Variants in TSPAN9 observed in about 807,000 individuals in gnomAD.
TSPAN9 encodes tetraspanin 9, also known as tetraspanin-9.
A neutral mutation model predicts 31.0 loss-of-function variants in TSPAN9; 16 were observed. That is an observed-to-expected ratio of 0.52 (90% CI 0.35 to 0.78). The LOEUF is 0.78. TSPAN9 is among the 30% of genes least tolerant of loss of function. The probability of loss-of-function intolerance (pLI) is 0.01; values close to 1 mark genes in which losing one functional copy is unlikely to be tolerated. For missense variants in TSPAN9, 272 were observed against 312.5 expected (o/e 0.87, Z 0.98); for synonymous variants, 145 against 121.6 (o/e 1.19, Z -1.27).
intron 2 of TSPAN9, among the ~76,000 whole-genome samples, chr12:3,167,633 G>A (rs2098349217): frequency 6.6e-6 from 1 of 152,210 alleles, no homozygotes; most frequent in Non-Finnish European, 1.5e-5. Flanking sequence ...GTGATGAGCT[G>A]GATTTGGGGC....
In TSPAN9 at chr12:3,160,927, T is replaced by C. The variant is rs779566077; in HGVS notation, c.-17-40250T>C. Among the ~76,000 whole-genome samples the C allele has an allele frequency of 3.9e-5, 6 of 152,222 alleles. No individual in the cohort carries two copies. In the East Asian group the frequency reaches 7.7e-4, roughly 20 times the overall value. On this transcript the variant is annotated intron_variant, in intron 2 of 8. Coordinates refer to ENST00000011898, the MANE Select transcript of TSPAN9 (RefSeq NM_006675.5). Reference sequence around the variant, plus strand: ...TGGTGTTATTTGCAACATAAGAGTTTTTAATTTTGTGGCTGGGCTGCGGTG... The same window carrying C: ...TGGTGTTATTTGCAACATAAGAGTTCTTAATTTTGTGGCTGGGCTGCGGTG...
At chr12:3,204,248 A>G (rs888390331) in intron 3 of TSPAN9, among the ~76,000 whole-genome samples, 4 of 152,166 alleles carry the variant, frequency 2.6e-5, no homozygotes, top group African/African-American at 7.2e-5. Flanking sequence ...CTCCAAACTC[A>G]CCGCTGCCGC....
intron 2 of TSPAN9, among the ~76,000 whole-genome samples, chr12:3,141,002 G>T (rs554219881): frequency 6.7e-6 from 1 of 149,438 alleles, no homozygotes; most frequent in East Asian, 2.0e-4. Context: ...AAGTGTTGGG[G>T]TTCATAGTAG....
intron 2 of TSPAN9, among the ~76,000 whole-genome samples, chr12:3,096,128 G>A (rs766140888): frequency 9.9e-5 from 15 of 152,206 alleles, no homozygotes; most frequent in Admixed American, 2.0e-4. Flanking sequence ...GGGCGGCGGC[G>A]GCTGCCGCTT....
intron 2 of TSPAN9, among the ~76,000 whole-genome samples, chr12:3,155,941 G>A (rs539942185): frequency 6.6e-5 from 10 of 152,278 alleles, no homozygotes; most frequent in African/African-American, 2.2e-4. Context: ...ACTTGAAGAC[G>A]TTGCTCCATG....
intron 1 of TSPAN9, among the ~76,000 whole-genome samples, chr12:3,079,718 TC>T (rs1412058670): frequency 6.6e-6 from 1 of 151,728 alleles, no homozygotes; most frequent in African/African-American, 2.4e-5. Context: ...TGCCTTGGCC[TC>T]CCAAAGTGCT....
intron 1 of TSPAN9, among the ~76,000 whole-genome samples, chr12:3,080,308 A>G (rs11611972): frequency 0.23 from 35,096 of 152,078 alleles, 5,074 homozygotes; most frequent in South Asian, 0.38. Flanking sequence ...AATTGTGGTT[A>G]AAAAAACACT....
chr12:3,094,867 TTTGTTTTTA>T (rs1315668225), intron 2 of TSPAN9, among the ~76,000 whole-genome samples: 67 of 104,920 alleles, frequency 6.4e-4, no homozygotes, highest in East Asian at 1.6e-3. Context: ...TTTTTTTTTT[TTTGTTTTTA>T]AATTTATTTT....
chr12:3,155,034 A>G (rs551824619), intron 2 of TSPAN9, among the ~76,000 whole-genome samples: 13 of 152,080 alleles, frequency 8.5e-5, no homozygotes, highest in Middle Eastern at 3.2e-3. Flanking sequence ...TAGATCTTCC[A>G]TTTTTCAAGG....
intron 2 of TSPAN9, among the ~76,000 whole-genome samples, chr12:3,174,243 T>C (rs573689252): frequency 6.6e-6 from 1 of 152,138 alleles, no homozygotes; most frequent in Non-Finnish European, 1.5e-5. Flanking sequence ...AGTTTTTTAG[T>C]TTTTGTACAG....
intron 3 of TSPAN9, among the ~76,000 whole-genome samples, chr12:3,240,345 G>A (rs928703292): frequency 3.3e-5 from 5 of 152,114 alleles, no homozygotes; most frequent in Non-Finnish European, 5.9e-5. Context: ...GGAGCAGCCC[G>A]GGAGCATCGT....
intron 2 of TSPAN9, chr12:3,125,126 C>G (rs1162869484): frequency 6.6e-6 from 1 of 151,488 alleles, no homozygotes; most frequent in East Asian, 1.9e-4. Context: ...AGATATAACA[C>G]TACAAATCCT....
At chr12:3,281,173 T>G in intron 6 of TSPAN9, 25 bp from the exon 7 acceptor site, 2 of 1,550,468 alleles carry the variant, frequency 1.3e-6, no homozygotes, top group Non-Finnish European at 1.7e-6. Flanking sequence ...CATGTCTGAC[T>G]GCCCCTTCCA....
At chr12:3,281,909 A>C (rs1431748381) in intron 8 of TSPAN9, 92 bp downstream of exon 8, 2 of 1,387,536 alleles carry the variant, frequency 1.4e-6, no homozygotes, top group Non-Finnish European at 2.0e-6. Flanking sequence ...GTGTTGGTAC[A>C]CGGCGGAGGG....
At chr12:3,217,383 A>G (rs557878629) in intron 3 of TSPAN9, among the ~76,000 whole-genome samples, 1 of 152,272 alleles carries the variant, frequency 6.6e-6, no homozygotes, top group East Asian at 1.9e-4. Flanking sequence ...CTGTCTAGCT[A>G]TGGAAGTGTC....
chr12:3,097,106 T>A (rs906789101), intron 2 of TSPAN9, among the ~76,000 whole-genome samples: 5 of 152,168 alleles, frequency 3.3e-5, no homozygotes, highest in Admixed American at 1.3e-4. Context: ...AATTTCATGC[T>A]GAGGATACTG....
At chr12:3,209,409 T>C (rs937814262) in intron 3 of TSPAN9, among the ~76,000 whole-genome samples, 2 of 152,220 alleles carry the variant, frequency 1.3e-5, no homozygotes, top group Non-Finnish European at 2.9e-5. Flanking sequence ...CTCCTTTTTC[T>C]AAACAACACT....
chr12:3,116,342 T>A (rs1477510254), intron 2 of TSPAN9, among the ~76,000 whole-genome samples: 1 of 152,178 alleles, frequency 6.6e-6, no homozygotes, highest in East Asian at 1.9e-4. Flanking sequence ...AGTCACAGTT[T>A]TCTCATTGGT....
At chr12:3,253,437 G>A (rs1223705094) in intron 3 of TSPAN9, among the ~76,000 whole-genome samples, 1 of 152,302 alleles carries the variant, frequency 6.6e-6, no homozygotes, top group African/African-American at 2.4e-5. Context: ...TTTCTCATCT[G>A]TGAATGGGGG....
Sources: gnomAD v4.1 joint callset for allele counts (sites outside exome capture counted in the v4.1 genomes callset) on GRCh38, gnomAD v4.1.1 for gene constraint, MANE v1.5 for transcripts, NCBI Gene and HGNC (gene_info 2026-07-23, HGNC 2026-07-21) for gene names.